The following ABCC11 variants were observed in gnomAD, a reference collection of about 807,000 sequenced individuals.
ABCC11 encodes ATP-binding cassette sub-family C member 11.
ABCC11 carries 135 observed loss-of-function variants against 149.3 expected under a neutral mutation model. The ratio of observed to expected loss-of-function variants is 0.90; its 90% CI spans 0.79 to 1.04. The LOEUF is 1.04. Among genes scored for constraint, ABCC11 ranks in the 50% least tolerant of loss-of-function variants. The pLI is 0.00. For synonymous variants in ABCC11, 665 were observed against 671.4 expected, an observed-to-expected ratio of 0.99 and a Z score of 0.15; for missense variants, 1,680 against 1,722.1, an observed-to-expected ratio of 0.98 and a Z score of 0.43.
chr16:48,233,626 T>A (rs1483776092), intron 1 of ABCC11, among the ~76,000 whole-genome samples: 6 of 152,214 alleles, frequency 3.9e-5, no homozygotes, highest in African/African-American at 1.4e-4. Context: ...TGAGGCCCTG[T>A]GGATGGGGCC....
At chr16:48,228,889 G>A (rs1970252232) in intron 3 of ABCC11, among the ~76,000 whole-genome samples, 1 of 151,138 alleles carries the variant, frequency 6.6e-6, no homozygotes, top group Non-Finnish European at 1.5e-5. Flanking sequence ...TTGGGATTAT[G>A]TGTCATTTTT....
rs1370654090 is a variant in ABCC11, at chr16:48,222,820, T to C, written c.555A>G (p.Ile185Met). Reference protein sequence around the residue: ...IASVLGPILIIPKILEYSEEQ... With the variant: ...IASVLGPILIMPKILEYSEEQ... ...CTTCTGAATATTCCAGGATCTTTGG[T>C]ATAATCAATATCTACAAGGAAATGG... The change falls in exon 6 of 30, where the codon ATA (isoleucine) becomes ATG (methionine). Residue 185 changes from isoleucine to methionine, a missense_variant. Physicochemically the swap from Ile to Met is conservative, Grantham distance 10. Coordinates refer to ENST00000356608, the MANE Select transcript of ABCC11 (RefSeq NM_001370497.1). 2 of 1,611,978 alleles carry C rather than the reference T, an allele frequency of 1.2e-6. No homozygotes were observed. The highest frequency in any genetic ancestry group is 1.1e-5 in the South Asian group (1 of 90,998).
intron 2 of ABCC11, among the ~76,000 whole-genome samples, chr16:48,231,540 A>G (rs1005976161): frequency 1.3e-5 from 2 of 151,876 alleles, no homozygotes; most frequent in South Asian, 4.2e-4. Flanking sequence ...GTATGTGCCT[A>G]TAGTCCCAGC....
chr16:48,171,038 T>A (rs906368091), intron 26 of ABCC11, 71 bp from the exon 27 acceptor site: 228 of 1,274,856 alleles, frequency 1.8e-4, no homozygotes, highest in Middle Eastern at 1.5e-3. Context: ...ATATGCCCAG[T>A]GAATGACCAA....
chr16:48,230,420 C>T lies in ABCC11; in HGVS notation c.236+17G>A, dbSNP rs143266375. ...TGGTGGATACAGCTCTCTCCCACCA[C>T]CCCCATCAGGACTCACCTCGGCTTG... On this transcript the variant is annotated intron_variant, in intron 3 of 29. Coordinates refer to ENST00000356608, the MANE Select transcript of ABCC11 (RefSeq NM_001370497.1). The T allele has an allele frequency of 4.7e-3, 7,432 of 1,578,666 alleles. 22 individuals carry two copies. Among genetic ancestry groups the T allele is most frequent in the Non-Finnish European group, 5.3e-3 (6,197 of 1,163,116 alleles).
intron 12 of ABCC11, among the ~76,000 whole-genome samples, chr16:48,206,316 TAA>T (rs1165546500): frequency 6.6e-6 from 1 of 152,228 alleles, no homozygotes; most frequent in Admixed American, 6.5e-5. Flanking sequence ...ATAACCTCTG[TAA>T]TTTAAAGTAT....
At chr16:48,204,568 A>G (rs1394116680) in intron 13 of ABCC11, among the ~76,000 whole-genome samples, 1 of 152,158 alleles carries the variant, frequency 6.6e-6, no homozygotes, top group Non-Finnish European at 1.5e-5. Flanking sequence ...GAGTTGCACA[A>G]TTTGGGAAAA....
intron 20 of ABCC11, among the ~76,000 whole-genome samples, chr16:48,191,973 T>C (rs1236105066): frequency 6.6e-6 from 1 of 152,054 alleles, no homozygotes; most frequent in Non-Finnish European, 1.5e-5. Context: ...ACTTAAAATA[T>C]AATAAAAAAT....
Position 48,213,430 on chromosome 16 carries a change from C to T in ABCC11, c.1356+13G>A. Reference sequence around the variant, plus strand: ...CAAGCAGGGGGCCTACAGCCAGTCCCCTGATGACCTACCTTGAACCTCATC... The same window carrying T: ...CAAGCAGGGGGCCTACAGCCAGTCCTCTGATGACCTACCTTGAACCTCATC... On this transcript the variant is annotated intron_variant, in intron 10 of 29. Transcript: ENST00000356608. The T allele has an allele frequency of 6.2e-7, 1 of 1,606,890 alleles. No homozygotes were observed. Among genetic ancestry groups the T allele is most frequent in the Non-Finnish European group, 8.5e-7 (1 of 1,175,486 alleles).
intron 1 of ABCC11, among the ~76,000 whole-genome samples, chr16:48,246,714 A>G (rs1416789448): frequency 2.0e-5 from 3 of 152,096 alleles, no homozygotes; most frequent in Non-Finnish European, 2.9e-5. Flanking sequence ...GGCTGGGACT[A>G]TAGGCGTGCA....
intron 3 of ABCC11, among the ~76,000 whole-genome samples, chr16:48,228,212 GT>G (rs971333642): frequency 5.4e-4 from 76 of 141,706 alleles, no homozygotes; most frequent in Non-Finnish European, 7.4e-4. Flanking sequence ...GATGTTTGGG[GT>G]TTTTTTTTTT....
chr16:48,195,665 T>C (rs1336296966), intron 18 of ABCC11, among the ~76,000 whole-genome samples: 1 of 152,278 alleles, frequency 6.6e-6, no homozygotes, highest in Non-Finnish European at 1.5e-5. Context: ...TTTGAACTTC[T>C]AATTGCCCTC....
chr16:48,228,704 T>C (rs1314084412), intron 3 of ABCC11, among the ~76,000 whole-genome samples: 1 of 152,140 alleles, frequency 6.6e-6, no homozygotes, highest in Non-Finnish European at 1.5e-5. Context: ...TGATAGTGGT[T>C]GACATTGAAA....
In ABCC11 at chr16:48,231,966, G is replaced by GA. The variant is rs747516036; in HGVS notation, c.-18-28dup. ...TTCGTTTCCCAGAATCAGAGAATAT[G>GA]AAAAGACAGCAGGAGTTAGAAGAAG... On this transcript the variant is annotated intron_variant, in intron 1 of 29. Coordinates refer to ENST00000356608, the MANE Select transcript of ABCC11 (RefSeq NM_001370497.1). 3.1e-6 allele frequency: 5 copies of GA among 1,612,988 alleles called. No homozygotes were observed. In the South Asian group the frequency reaches 4.4e-5, roughly 14 times the overall value.
intron 7 of ABCC11, 75 bp from the exon 8 acceptor site, chr16:48,215,419 G>A: frequency 6.6e-7 from 1 of 1,506,278 alleles, no homozygotes; most frequent in Non-Finnish European, 9.1e-7. Flanking sequence ...AGTTCAGCCT[G>A]GCATAAGTAG....
intron 2 of ABCC11, 52 bp from the exon 3 acceptor site, chr16:48,230,625 C>T: frequency 6.9e-7 from 1 of 1,455,162 alleles, no homozygotes; most frequent in Non-Finnish European, 9.1e-7. Flanking sequence ...TAAATTCTGT[C>T]CTGAGGGAAT....
Position 48,192,649 on chromosome 16 carries a change from C to A in ABCC11, c.2577G>T (p.Leu859=), listed in dbSNP as rs139243763. ...GCCCGTACACCAGCTGGTAGAAGGA[C>A]AGTTGAGGATTGTCTGCAATGTTGC... is the stretch of plus-strand genomic sequence containing the variant. ...DLGNIADNPQ[L]SFYQLVYGLN... Residue 859 remains leucine, a synonymous_variant, in exon 20 of 30, where the codon CTG becomes CTT. Transcript: ENST00000356608. The A allele has an allele frequency of 1.9e-4, 312 of 1,614,034 alleles. No individual in the cohort carries two copies. Among genetic ancestry groups the A allele is most frequent in the Non-Finnish European group, 2.4e-4 (289 of 1,180,040 alleles).
intron 18 of ABCC11, among the ~76,000 whole-genome samples, chr16:48,194,580 A>G (rs1309094901): frequency 6.6e-6 from 1 of 152,238 alleles, no homozygotes; most frequent in Non-Finnish European, 1.5e-5. Flanking sequence ...GGTATTAGAA[A>G]GTGAGGCCTC....
At chr16:48,194,328 A>T (rs1462184810) in intron 18 of ABCC11, among the ~76,000 whole-genome samples, 3 of 152,234 alleles carry the variant, frequency 2.0e-5, no homozygotes, top group African/African-American at 7.2e-5. Flanking sequence ...TGCCTGGCAC[A>T]GGGCAGTGTT....
Sources: gnomAD v4.1 joint callset for allele counts (sites outside exome capture counted in the v4.1 genomes callset) on GRCh38, gnomAD v4.1.1 for gene constraint, MANE v1.5 for transcripts, NCBI Gene and HGNC (gene_info 2026-07-23, HGNC 2026-07-21) for gene names.